The following NXNL1 variants were observed in gnomAD, a reference collection of about 807,000 sequenced individuals.
NXNL1 encodes the protein nucleoredoxin like 1, also known as nucleoredoxin-like protein 1.
Under a neutral mutation model 7.2 loss-of-function variants are expected in NXNL1, and 6 were observed. That is an observed-to-expected ratio of 0.83 (90% CI 0.46 to 1.64). The LOEUF is 1.64. Among genes scored for constraint, NXNL1 ranks in the 40% most tolerant of loss-of-function variants. The pLI, the probability that NXNL1 is intolerant of heterozygous loss-of-function variation, is 0.01. For synonymous variants in NXNL1, 133 were observed against 127.2 expected (o/e 1.05, Z -0.31); for missense variants, 308 against 285.1 (o/e 1.08, Z -0.58).
chr19:17,457,418 C>A (rs1385104463), intron 1 of NXNL1, among the ~76,000 whole-genome samples: 1 of 151,920 alleles, frequency 6.6e-6, no homozygotes, highest in Non-Finnish European at 1.5e-5. Context: ...GTCACCCAGG[C>A]TAGAGTGCAG....
chr19:17,458,759 G>A (rs1226663438), intron 1 of NXNL1, among the ~76,000 whole-genome samples: 3 of 151,480 alleles, frequency 2.0e-5, no homozygotes, highest in Non-Finnish European at 2.9e-5. Context: ...CCAACACTAC[G>A]TCTGGCTAAT....
chr19:17,455,853 C>G lies in NXNL1; in HGVS notation c.433G>C (p.Gly145Arg), dbSNP rs890427313. 2 of 1,588,780 alleles carry G rather than the reference C, an allele frequency of 1.3e-6. No homozygotes were observed. Among genetic ancestry groups the G allele is most frequent in the Admixed American group, 3.4e-5 (2 of 58,294 alleles). Residue 145 changes from glycine to arginine, a missense_variant, in exon 2 of 2, where the codon GGC becomes CGC. Transcript: ENST00000301944. ...RDGADEIQRL[G>R]TACFANWQEA... ...TGCCAGTTGGCGAAGCAGGCGGTGC[C>G]CAGGCGCTGGATCTCGTCGGCGCCG...
In NXNL1 at chr19:17,455,675, TC is replaced by T; in HGVS notation, c.610del (p.Glu204ArgfsTer60). On this transcript the variant is annotated frameshift_variant, in exon 2 of 2. Coordinates refer to ENST00000301944, the MANE Select transcript of NXNL1 (RefSeq NM_138454.2). LOFTEE classifies it high-confidence loss of function. ...GGRDPGGGGG[E>X]EGGAGGLF is the part of the protein sequence containing the mutation. Reference sequence around the variant, plus strand: ...GAACAGCCCCCCGGCCCCGCCCTCCTCCCCACCCCCTCCCCCGGGGTCGCGC... The same window carrying T: ...GAACAGCCCCCCGGCCCCGCCCTCCTCCCACCCCCTCCCCCGGGGTCGCGC... The T allele has an allele frequency of 2.5e-6, 1 of 404,332 alleles. No individual in the cohort carries two copies. Among genetic ancestry groups the T allele is most frequent in the Non-Finnish European group, 3.5e-6 (1 of 286,132 alleles). 25.0% of individuals were successfully genotyped at this position (404,332 alleles called of 1,614,324 possible). A position where few individuals can be genotyped will look rare whatever the true frequency, so the allele number is the denominator to read the frequency against.
chr19:17,456,320 A>AAATAAATAAATT (rs1313529899), intron 1 of NXNL1, among the ~76,000 whole-genome samples: 84 of 150,500 alleles, frequency 5.6e-4, no homozygotes, highest in African/African-American at 2.0e-3. Context: ...ATAAATAAAT[A>AAATAAATAAATT]AATAAATAAA....
chr19:17,455,671 C>CCCCCAA lies in NXNL1; in HGVS notation c.614_615insTTGGGG (p.Glu205delinsAspTrpGly). 1 of 1,079,742 alleles carries CCCCCAA rather than the reference C, an allele frequency of 9.3e-7. No individual in the cohort carries two copies. Among genetic ancestry groups the CCCCCAA allele is most frequent in the Non-Finnish European group, 1.3e-6 (1 of 744,340 alleles). The allele number at this position is 1,079,742 out of a possible 1,614,324, so 66.9% of individuals were successfully genotyped here. A position where few individuals can be genotyped will look rare whatever the true frequency, so the allele number is the denominator to read the frequency against. On this transcript the variant is annotated protein_altering_variant, in exon 2 of 2. Coordinates refer to ENST00000301944, the MANE Select transcript of NXNL1 (RefSeq NM_138454.2). ...GTCAGAACAGCCCCCCGGCCCCGCC[C>CCCCCAA]TCCTCCCCACCCCCTCCCCCGGGGT...
chr19:17,456,679 C>G (rs552979344), intron 1 of NXNL1, among the ~76,000 whole-genome samples: 1 of 151,826 alleles, frequency 6.6e-6, no homozygotes, highest in East Asian at 1.9e-4. Flanking sequence ...GCCAGGAGTT[C>G]GAGACCAGCC....
chr19:17,458,220 C>CT (rs756873224), intron 1 of NXNL1, among the ~76,000 whole-genome samples: 33,797 of 122,104 alleles, frequency 0.28, 5,413 homozygotes, highest in Non-Finnish European at 0.34. Flanking sequence ...TTCTTTCTTT[C>CT]TTTTTTTTTT....
chr19:17,457,920 T>G (rs143169320), intron 1 of NXNL1, among the ~76,000 whole-genome samples: 69 of 152,316 alleles, frequency 4.5e-4, no homozygotes, highest in African/African-American at 1.6e-3. Flanking sequence ...CAAATTCTGA[T>G]GATGACCAGA....
In NXNL1 at chr19:17,457,094, TA is replaced by T. The variant is rs67507866; in HGVS notation, c.327-1136del. Reference sequence around the variant, plus strand: ...CATATATATATGACACTCCCTCTCTTAAAAAAAAAAAAAAAATTGGAGGCTG... The same window carrying T: ...CATATATATATGACACTCCCTCTCTTAAAAAAAAAAAAAAATTGGAGGCTG... On this transcript the variant is annotated intron_variant, in intron 1 of 1. Transcript: ENST00000301944. Among the ~76,000 whole-genome samples, 149 of 142,266 alleles carry T rather than the reference TA, an allele frequency of 1.0e-3. 1 individual carries two copies. The highest frequency in any genetic ancestry group is 5.7e-3 in the East Asian group (27 of 4,722). 93.3% of individuals were successfully genotyped at this position (142,266 alleles called of 152,430 possible). A position where few individuals can be genotyped will look rare whatever the true frequency, so the allele number is the denominator to read the frequency against.
At position 17,460,722 on chromosome 19, in the gene NXNL1, A is replaced by C. The variant is rs1489256463; in HGVS notation, c.148T>G (p.Phe50Val). 10 of 1,613,806 alleles carry C rather than the reference A, an allele frequency of 6.2e-6. No individual in the cohort carries two copies. Among genetic ancestry groups the C allele is most frequent in the Non-Finnish European group, 8.5e-6 (10 of 1,180,050 alleles). ...AAGAAGTCCTTGAGGATGGGCACGAAGGCCTGGCACTGTGGACAAGCCCCA... is the reference window on the plus strand; with the variant it reads ...AAGAAGTCCTTGAGGATGGGCACGACGGCCTGGCACTGTGGACAAGCCCCA... ...GAGACPQCQA[F>V]VPILKDFFVR... is the part of the protein sequence containing the mutation. The change falls in exon 1 of 2, where the codon TTC becomes GTC. Residue 50 changes from phenylalanine (F) to valine (V), a missense_variant. Phe to Val is a conservative substitution (Grantham distance 50, BLOSUM62 -1). Transcript: ENST00000301944.
At chr19:17,456,441 G>T (rs1397922968) in intron 1 of NXNL1, among the ~76,000 whole-genome samples, 1 of 152,040 alleles carries the variant, frequency 6.6e-6, no homozygotes, top group African/African-American at 2.4e-5. Flanking sequence ...AGGATTTCGA[G>T]GCTGCAGTGA....
intron 1 of NXNL1, among the ~76,000 whole-genome samples, chr19:17,459,335 C>T (rs534193160): frequency 1.3e-5 from 2 of 152,256 alleles, no homozygotes; most frequent in South Asian, 4.1e-4. Context: ...GCCTGGAACC[C>T]CTTCCCTTTC....
At chr19:17,456,078 G>C (rs2074992327) in intron 1 of NXNL1, 119 bp from the exon 2 acceptor site, 2 of 1,496,268 alleles carry the variant, frequency 1.3e-6, no homozygotes, top group South Asian at 2.7e-5. Context: ...CTCTTGCCGG[G>C]CACTGGGTAG....
intron 1 of NXNL1, among the ~76,000 whole-genome samples, chr19:17,459,921 C>A (rs930699231): frequency 1.3e-5 from 2 of 152,142 alleles, no homozygotes; most frequent in Admixed American, 1.3e-4. Context: ...CATCCTCTGA[C>A]CCCGGAACCT....
At chr19:17,459,707 C>T (rs896681429) in intron 1 of NXNL1, among the ~76,000 whole-genome samples, 6 of 151,508 alleles carry the variant, frequency 4.0e-5, no homozygotes, top group Non-Finnish European at 7.4e-5. Context: ...TGTGAGCCAC[C>T]GTACCTGGCC....
chr19:17,457,364 A>G (rs115656052), intron 1 of NXNL1, among the ~76,000 whole-genome samples: 323 of 151,452 alleles, frequency 2.1e-3, no homozygotes, highest in African/African-American at 7.5e-3. Flanking sequence ...GTTTATCTCA[A>G]TTTTTTTTTC....
rs552852134 is a variant in NXNL1, at chr19:17,460,405, G to A, written c.326+139C>T. The stretch of plus-strand genomic sequence containing the variant: ...GCATGGAAGCCAGCATGTGGAAGTG[G>A]GCACCCCTGTCTGTACCCCCTAGTT... On this transcript the variant is annotated intron_variant, in intron 1 of 1. Coordinates refer to ENST00000301944, the MANE Select transcript of NXNL1 (RefSeq NM_138454.2). 2.7e-5 allele frequency: 24 copies of A among 890,084 alleles called. 1 individual carries two copies. The South Asian group carries it at 3.5e-4, about 13-fold the overall frequency. 55.1% of individuals were successfully genotyped at this position (890,084 alleles called of 1,614,324 possible). A position where few individuals can be genotyped will look rare whatever the true frequency, so the allele number is the denominator to read the frequency against.
chr19:17,455,825 T>A lies in NXNL1; in HGVS notation c.461A>T (p.Glu154Val), dbSNP rs56248314. 0.15 allele frequency: 231,855 copies of A among 1,579,918 alleles called. 18,114 individuals are homozygous for A. Among genetic ancestry groups the A allele is most frequent in the Non-Finnish European group, 0.16 (189,263 of 1,168,788 alleles). Residue 154 changes from glutamate (E) to valine (V), a missense_variant, in exon 2 of 2, where the codon GAG becomes GTG. By Grantham distance (121) the Glu-to-Val change is moderately radical. Coordinates refer to ENST00000301944, the MANE Select transcript of NXNL1 (RefSeq NM_138454.2). ...GTTGCGGTCCAGCACCTCGGCCGCC[T>A]CCTGCCAGTTGGCGAAGCAGGCGGT... ...LGTACFANWQEAAEVLDRNFQ... is the reference protein window; with the variant it reads ...LGTACFANWQVAAEVLDRNFQ...
chr19:17,458,323 C>T (rs2075000670), intron 1 of NXNL1, among the ~76,000 whole-genome samples: 1 of 149,664 alleles, frequency 6.7e-6, no homozygotes, highest in African/African-American at 2.5e-5. Flanking sequence ...GGGTTCACAC[C>T]ATTCTCTTGC....
Sources: gnomAD v4.1 joint callset for allele counts (sites outside exome capture counted in the v4.1 genomes callset) on GRCh38, gnomAD v4.1.1 for gene constraint, MANE v1.5 for transcripts, NCBI Gene and HGNC (gene_info 2026-07-23, HGNC 2026-07-21) for gene names.